Variants in PLCE1 observed in about 807,000 individuals in gnomAD.
PLCE1 encodes the protein 1-phosphatidylinositol 4,5-bisphosphate phosphodiesterase epsilon-1.
Under a neutral mutation model 242.8 loss-of-function variants are expected in PLCE1, and 119 were observed. The observed-to-expected ratio is 0.49, with a 90% confidence interval of 0.42 to 0.57. The LOEUF (loss-of-function observed/expected upper bound fraction) is 0.57, where lower values mean the gene tolerates loss of function less well. Ranked by LOEUF, PLCE1 falls within the 20% of genes least tolerant of loss-of-function variation. The probability of loss-of-function intolerance (pLI) is 0.00; values close to 1 mark genes in which losing one functional copy is unlikely to be tolerated. For synonymous variants in PLCE1, 945 were observed against 1,017.4 expected (o/e 0.93, Z 1.35); for missense variants, 2,441 against 2,788.8 (o/e 0.88, Z 2.81).
rs71031565 is a variant in PLCE1 at position 94,269,094 on chromosome 10, C to CTTTTT, written c.4389+79_4389+83dup. ...ACAAAGAGACATTATCTTCATTTGT[C>CTTTTT]TTTTTTTTTTTTTTTTTTTTTTTTT... On this transcript the variant is annotated intron_variant, in intron 17 of 32. Coordinates refer to ENST00000371380, the MANE Select transcript of PLCE1 (RefSeq NM_016341.4). 135 of 313,192 alleles carry CTTTTT rather than the reference C, an allele frequency of 4.3e-4. 2 individuals carry two copies. Among genetic ancestry groups the CTTTTT allele is most frequent in the Middle Eastern group, 1.2e-3 (1 of 856 alleles). The allele number at this position is 313,192 out of a possible 1,614,324, so 19.4% of individuals were successfully genotyped here. A position where few individuals can be genotyped will look rare whatever the true frequency, so the allele number is the denominator to read the frequency against.
intron 8 of PLCE1, among the ~76,000 whole-genome samples, chr10:94,247,370 A>G (rs1270778792): frequency 1.3e-5 from 2 of 151,796 alleles, no homozygotes; most frequent in Admixed American, 6.6e-5. Flanking sequence ...TAGTCCCAGG[A>G]TCATTGTAGT....
Position 94,270,505 on chromosome 10 carries a change from A to G in PLCE1, c.4409A>G (p.Asp1470Gly). ...TCATAGGAAGTGGTTGAAGCCATTG[A>G]TCGCAGTGCCTTCATCAACTCTGAC... ...IPFKEVVEAIDRSAFINSDLP... is the reference protein window; with the variant it reads ...IPFKEVVEAIGRSAFINSDLP... The change falls in exon 18 of 33, where the codon GAT becomes GGT. Residue 1470 changes from aspartate (D) to glycine (G), a missense_variant. Asp to Gly is a moderately conservative substitution (Grantham distance 94, BLOSUM62 -1). This residue lies in a region of PLCE1 where 1,004 missense variants were observed against 1,322.7 expected (regional missense o/e 0.76). Transcript: ENST00000371380. 6.2e-7 allele frequency: 1 copy of G among 1,612,680 alleles called. No individual in the cohort carries two copies. Among genetic ancestry groups the G allele is most frequent in the South Asian group, 1.1e-5 (1 of 91,042 alleles).
chr10:93,999,902 G>A (rs1301205301), intron 1 of PLCE1, among the ~76,000 whole-genome samples: 1 of 152,230 alleles, frequency 6.6e-6, no homozygotes, highest in Non-Finnish European at 1.5e-5. Flanking sequence ...GCCAGTGGGG[G>A]ATTATTTTTG....
chr10:94,034,031 G>A (rs970780160), intron 2 of PLCE1, among the ~76,000 whole-genome samples: 9 of 152,120 alleles, frequency 5.9e-5, no homozygotes, highest in Non-Finnish European at 1.3e-4. Flanking sequence ...TGGTTGGGCA[G>A]GCCAAACAAT....
chr10:94,226,840 T>C (rs1329761118), intron 4 of PLCE1, among the ~76,000 whole-genome samples: 1 of 139,840 alleles, frequency 7.2e-6, no homozygotes, highest in Non-Finnish European at 1.6e-5. Context: ...TCTTTTTTTT[T>C]TTTTTTTTTT....
intron 4 of PLCE1, among the ~76,000 whole-genome samples, chr10:94,210,187 T>C (rs1205794572): frequency 1.3e-5 from 2 of 152,218 alleles, no homozygotes; most frequent in African/African-American, 4.8e-5. Flanking sequence ...ATGGTGTTTT[T>C]TTTTTTTTAC....
chr10:94,243,934 T>A (rs1418674046), intron 7 of PLCE1, among the ~76,000 whole-genome samples: 1 of 152,210 alleles, frequency 6.6e-6, no homozygotes, highest in Non-Finnish European at 1.5e-5. Flanking sequence ...TTATTCCATG[T>A]AGTTAGCTAT....
chr10:94,253,535 T>TA (rs1447804988), intron 9 of PLCE1, among the ~76,000 whole-genome samples: 1 of 152,076 alleles, frequency 6.6e-6, no homozygotes, highest in African/African-American at 2.4e-5. Context: ...TTTTATTTTT[T>TA]ATAGAGACAG....
chr10:94,080,697 C>G (rs188528114), intron 2 of PLCE1, among the ~76,000 whole-genome samples: 1 of 152,320 alleles, frequency 6.6e-6, no homozygotes, highest in African/African-American at 2.4e-5. Context: ...GCCCAGCCTG[C>G]ACTCTCAAAA....
At chr10:94,105,714 C>T (rs1339318717) in intron 2 of PLCE1, 1 of 152,202 alleles carries the variant, frequency 6.6e-6, no homozygotes, top group Non-Finnish European at 1.5e-5. Context: ...TCATTTCCTA[C>T]TAAAGAAATT....
intron 19 of PLCE1, among the ~76,000 whole-genome samples, chr10:94,277,813 G>A (rs2052019791): frequency 6.6e-6 from 1 of 152,182 alleles, no homozygotes; most frequent in African/African-American, 2.4e-5. Context: ...AAGTAAGCAT[G>A]GGAAATGCTG....
rs1011435174 is a variant in PLCE1 at position 94,306,085 on chromosome 10, C to T, written c.5623-342C>T. The stretch of plus-strand genomic sequence containing the variant: ...TTCCTGGGTTCAAGCAATTCCCCTG[C>T]CTCAGCCTCCCTAATAGCTGGGACT... On this transcript the variant is annotated intron_variant, in intron 25 of 32. Coordinates refer to ENST00000371380, the MANE Select transcript of PLCE1 (RefSeq NM_016341.4). This position sits in a 1 kb window ranked among gnomAD's most constrained non-coding sequence, Gnocchi z 5.7. Among the ~76,000 whole-genome samples the T allele has an allele frequency of 6.6e-6, 1 of 151,950 alleles. No individual in the cohort carries two copies. Among genetic ancestry groups the T allele is most frequent in the Non-Finnish European group, 1.5e-5 (1 of 67,994 alleles).
intron 2 of PLCE1, among the ~76,000 whole-genome samples, chr10:94,063,904 G>A (rs1406289312): frequency 6.6e-6 from 1 of 152,032 alleles, no homozygotes; most frequent in Non-Finnish European, 1.5e-5. Flanking sequence ...AGTTTTTCAG[G>A]CAGAGCATGT....
intron 2 of PLCE1, among the ~76,000 whole-genome samples, chr10:94,086,373 T>C (rs897484228): frequency 7.2e-5 from 11 of 152,238 alleles, no homozygotes; most frequent in African/African-American, 2.7e-4. Flanking sequence ...GTCTTGGCTC[T>C]GATTTGCTTG....
At chr10:94,165,888 G>C (rs2047786376) in intron 3 of PLCE1, among the ~76,000 whole-genome samples, 1 of 151,972 alleles carries the variant, frequency 6.6e-6, no homozygotes, top group South Asian at 2.1e-4. Flanking sequence ...TGTATTTTTA[G>C]TAGAGACGGG....
chr10:94,031,463 A>C lies in PLCE1; in HGVS notation c.417A>C (p.Gly139=). ...AGGAAGACTTGTGTTTAGAAACTGG[A>C]ATTCCTTCTCCACTGGAAAGAAAGG... ...VAEEDLCLET[G]IPSPLERKVF... is the part of the protein sequence containing the mutation. Residue 139 remains glycine, a synonymous_variant, in exon 2 of 33, where the codon GGA becomes GGC. Transcript: ENST00000371380. 1 of 1,613,630 alleles carries C rather than the reference A, an allele frequency of 6.2e-7. No individual in the cohort carries two copies. The highest frequency in any genetic ancestry group is 8.5e-7 in the Non-Finnish European group (1 of 1,179,806).
At chr10:94,041,778 GA>G (rs1023369218) in intron 2 of PLCE1, among the ~76,000 whole-genome samples, 8 of 152,044 alleles carry the variant, frequency 5.3e-5, no homozygotes, top group African/African-American at 1.9e-4. Context: ...GTAAGTTGGG[GA>G]GATCATTTCA....
In PLCE1 at chr10:94,330,682, A is replaced by G. The variant is rs1589560217; in HGVS notation, c.*2739A>G. 6.9e-6 allele frequency: 1 copy of G among 145,558 alleles called. No homozygotes were observed. The highest frequency in any genetic ancestry group is 2.6e-5 in the African/African-American group (1 of 38,472). The allele number at this position is 145,558 out of a possible 1,614,324, so 9.0% of individuals were successfully genotyped here. On this transcript the variant is annotated 3_prime_UTR_variant, in exon 33 of 33. Coordinates refer to ENST00000371380, the MANE Select transcript of PLCE1 (RefSeq NM_016341.4). ...ACTCCAGCCTGGGTACAAGAGTGAG[A>G]CTCCATCTCAAAAAAAAAAAAAAAA...
chr10:94,128,479 G>A (rs541618131), intron 2 of PLCE1, among the ~76,000 whole-genome samples: 2 of 152,260 alleles, frequency 1.3e-5, no homozygotes, highest in Non-Finnish European at 1.5e-5. Context: ...ATTGGCAATC[G>A]TGATGGAAGT....
Sources: gnomAD v4.1 joint callset for allele counts (sites outside exome capture counted in the v4.1 genomes callset) on GRCh38, gnomAD v4.1.1 for gene constraint, gnomAD v4.1.1 regional missense constraint, Gnocchi (gnomAD v3.1) non-coding constraint, MANE v1.5 for transcripts, NCBI Gene and HGNC (gene_info 2026-07-23, HGNC 2026-07-21) for gene names.